CIAO2A: variants seen among roughly 807,000 people sequenced by gnomAD.
The protein encoded by CIAO2A is cytosolic iron-sulfur assembly component 2A.
Under a neutral mutation model 22.4 loss-of-function variants are expected in CIAO2A, and 17 were observed. The ratio of observed to expected loss-of-function variants is 0.76; its 90% confidence interval spans 0.52 to 1.14. The LOEUF is 1.14. Ranked by LOEUF, CIAO2A falls within the 50% of genes most tolerant of loss-of-function variation. The pLI, the probability that CIAO2A is intolerant of heterozygous loss-of-function variation, is 0.00. For missense variants in CIAO2A, 192 were observed against 191.4 expected (o/e 1.00, Z -0.02); for synonymous variants, 74 against 72.3 (o/e 1.02, Z -0.12).
intron 2 of CIAO2A, among the ~76,000 whole-genome samples, chr15:64,084,991 G>A (rs2080782793): frequency 6.7e-6 from 1 of 150,342 alleles, no homozygotes; most frequent in Non-Finnish European, 1.5e-5. Flanking sequence ...TACTCGGGAG[G>A]CTGAAGCGGA....
Position 64,072,978 on chromosome 15 carries a change from G to A in CIAO2A, c.436C>T (p.Pro146Ser). 6.2e-7 allele frequency: 1 copy of A among 1,613,822 alleles called. No individual in the cohort carries two copies. Among genetic ancestry groups the A allele is most frequent in the Non-Finnish European group, 8.5e-7 (1 of 1,179,850 alleles). Residue 146 changes from proline to serine, a missense_variant, in exon 5 of 5, where the codon CCC becomes TCC. Physicochemically the swap from Pro to Ser is moderately conservative, Grantham distance 74. Transcript: ENST00000300030. ...TGTTCCACAATTTCCCGTAAGTTGG[G>A]GTTTTCCATTGCAGCTGCCACTCGC... ...KERVAAAMENPNLREIVEQCV... is the reference protein window; with the variant it reads ...KERVAAAMENSNLREIVEQCV...
intron 1 of CIAO2A, 126 bp from the exon 2 acceptor site, chr15:64,088,977 G>T: frequency 1.2e-6 from 1 of 803,876 alleles, no homozygotes; most frequent in African/African-American, 1.8e-5. Context: ...GCAACTCCCA[G>T]GTTTCTGACA....
At chr15:64,092,143 C>T (rs75352390) in intron 1 of CIAO2A, among the ~76,000 whole-genome samples, 1 of 151,738 alleles carries the variant, frequency 6.6e-6, no homozygotes, top group Admixed American at 6.6e-5. Flanking sequence ...TTCCACAGCA[C>T]TGCACTATTA....
chr15:64,075,024 C>G (rs1259598901), intron 4 of CIAO2A: 1 of 152,268 alleles, frequency 6.6e-6, no homozygotes, highest in Non-Finnish European at 1.5e-5. Context: ...TTTTAAGTAG[C>G]TACTGATTGA....
intron 2 of CIAO2A, among the ~76,000 whole-genome samples, chr15:64,085,939 A>G (rs868688683): frequency 6.6e-6 from 1 of 150,882 alleles, no homozygotes; most frequent in African/African-American, 2.4e-5. Context: ...CAAACTCCTG[A>G]CCTCATGATC....
chr15:64,091,283 A>C (rs2080837643), intron 1 of CIAO2A, among the ~76,000 whole-genome samples: 1 of 152,094 alleles, frequency 6.6e-6, no homozygotes, highest in Non-Finnish European at 1.5e-5. Context: ...TCAGGAGTTC[A>C]AGACCAGCCT....
chr15:64,077,236 T>C (rs1170512738), intron 3 of CIAO2A, among the ~76,000 whole-genome samples: 1 of 152,088 alleles, frequency 6.6e-6, no homozygotes, highest in African/African-American at 2.4e-5. Context: ...AGGTGGAGGT[T>C]ACAGTGAGCT....
intron 2 of CIAO2A, among the ~76,000 whole-genome samples, chr15:64,084,479 T>G (rs2080778643): frequency 6.6e-6 from 1 of 152,122 alleles, no homozygotes; most frequent in African/African-American, 2.4e-5. Context: ...TATAAAAATA[T>G]TTATATAAGG....
At chr15:64,090,315 C>G (rs1489072538) in intron 1 of CIAO2A, 2 of 157,172 alleles carry the variant, frequency 1.3e-5, no homozygotes, top group Non-Finnish European at 2.8e-5. Flanking sequence ...TGCATTCCAA[C>G]CTGGGCAACA....
chr15:64,084,544 C>T (rs1020294747), intron 2 of CIAO2A, among the ~76,000 whole-genome samples: 4 of 152,090 alleles, frequency 2.6e-5, no homozygotes, highest in Non-Finnish European at 4.4e-5. Flanking sequence ...CCAAGGCAGG[C>T]GGATCACCTG....
At chr15:64,086,542 C>T (rs757065820) in intron 2 of CIAO2A, among the ~76,000 whole-genome samples, 3 of 152,100 alleles carry the variant, frequency 2.0e-5, no homozygotes, top group African/African-American at 4.8e-5. Context: ...AGTATCTGTT[C>T]GTTCACAAAT....
In CIAO2A at chr15:64,091,668, C is replaced by A. The variant is rs146737387; in HGVS notation, c.124+1977G>T. ...AAGGCTCATTTAATTGTATTATATT[C>A]TTTATATGCCACTAAACCCTGAAAT... On this transcript the variant is annotated intron_variant, in intron 1 of 4. Transcript: ENST00000300030. Among the ~76,000 whole-genome samples the A allele has an allele frequency of 1.2e-4, 18 of 152,156 alleles. No homozygotes were observed. The East Asian group carries it at 2.7e-3, about 23-fold the overall frequency.
chr15:64,078,855 G>A (rs1396830797), intron 3 of CIAO2A, among the ~76,000 whole-genome samples: 1 of 151,970 alleles, frequency 6.6e-6, no homozygotes, highest in Non-Finnish European at 1.5e-5. Flanking sequence ...AACAGCTTGG[G>A]CAACATAGTG....
rs199904809 is a variant in CIAO2A, at chr15:64,093,791, C to G, written c.-23G>C. On this transcript the variant is annotated 5_prime_UTR_variant, in exon 1 of 5. Transcript: ENST00000300030. ...CATCTTCACGCTCAGCCATCCCTGG[C>G]GACTGTCCCAATCGCGCCACCGTCT... The G allele has an allele frequency of 3.1e-4, 503 of 1,606,008 alleles. 2 individuals carry two copies. The African/African-American group carries it at 5.6e-3, about 18-fold the overall frequency.
rs1179591040 is a variant in CIAO2A at position 64,072,892 on chromosome 15, T to C, written c.*39A>G. The C allele has an allele frequency of 1.7e-5, 23 of 1,328,258 alleles. No individual in the cohort carries two copies. Among genetic ancestry groups the C allele is most frequent in the African/African-American group, 2.9e-5 (2 of 69,114 alleles). 82.3% of individuals were successfully genotyped at this position (1,328,258 alleles called of 1,614,324 possible). ...ATTATACAAAGAGTTTAAACAAATA[T>C]ATCAAACAATTACAGGCCAGTGGCT... On this transcript the variant is annotated 3_prime_UTR_variant, in exon 5 of 5. Transcript: ENST00000300030.
chr15:64,076,112 C>T (rs2141275103), intron 3 of CIAO2A, among the ~76,000 whole-genome samples: 1 of 151,948 alleles, frequency 6.6e-6, no homozygotes, highest in East Asian at 1.9e-4. Flanking sequence ...TTTATGAATA[C>T]ACAAAAATAT....
intron 2 of CIAO2A, among the ~76,000 whole-genome samples, chr15:64,088,183 C>T (rs1002072007): frequency 2.6e-5 from 4 of 152,204 alleles, no homozygotes; most frequent in African/African-American, 9.7e-5. Flanking sequence ...AATCCAACCT[C>T]CTACCAGGAC....
In CIAO2A at chr15:64,072,968, C is replaced by A; in HGVS notation, c.446G>T (p.Arg149Leu). The change falls in exon 5 of 5, where the codon CGG (arginine) becomes CTG (leucine). Residue 149 changes from arginine to leucine, a missense_variant. Arg to Leu is a moderately radical substitution (Grantham distance 102). Coordinates refer to ENST00000300030, the MANE Select transcript of CIAO2A (RefSeq NM_032231.7). ...VAAAMENPNL[R>L]EIVEQCVLEP... ...AAGGACACACTGTTCCACAATTTCCCGTAAGTTGGGGTTTTCCATTGCAGC... is the reference window on the plus strand; with the variant it reads ...AAGGACACACTGTTCCACAATTTCCAGTAAGTTGGGGTTTTCCATTGCAGC... 6.2e-7 allele frequency: 1 copy of A among 1,613,864 alleles called. No homozygotes were observed. Among genetic ancestry groups the A allele is most frequent in the Middle Eastern group, 1.7e-4 (1 of 6,058 alleles).
chr15:64,087,084 C>CTTTTTTTTTTT, intron 2 of CIAO2A, among the ~76,000 whole-genome samples: 1 of 76,058 alleles, frequency 1.3e-5, no homozygotes, highest in Non-Finnish European at 2.4e-5. Flanking sequence ...GCTAATTTTG[C>CTTTTTTTTTTT]TTTTTTTTTT....
Sources: gnomAD v4.1 joint callset for allele counts (sites outside exome capture counted in the v4.1 genomes callset) on GRCh38, gnomAD v4.1.1 for gene constraint, MANE v1.5 for transcripts, NCBI Gene and HGNC (gene_info 2026-07-23, HGNC 2026-07-21) for gene names.